SEZ6L: variants seen among roughly 807,000 people sequenced by gnomAD.
SEZ6L encodes seizure related 6 homolog like.
A neutral mutation model predicts 106.2 loss-of-function variants in SEZ6L; 37 were observed. The ratio of observed to expected loss-of-function variants is 0.35; its 90% confidence interval spans 0.27 to 0.46. The LOEUF is 0.46. Ranked by LOEUF, SEZ6L falls within the 20% of genes least tolerant of loss-of-function variation. SEZ6L has a pLI of 1.00. For synonymous variants in SEZ6L, 541 were observed against 570.4 expected (o/e 0.95, Z 0.73); for missense variants, 1,172 against 1,332.8 (o/e 0.88, Z 1.88).
chr22:26,209,879 G>A (rs1032414244), intron 1 of SEZ6L, among the ~76,000 whole-genome samples: 8 of 142,394 alleles, frequency 5.6e-5, no homozygotes, highest in Non-Finnish European at 1.2e-4. Flanking sequence ...GAGGAAGGAA[G>A]GAAAGAAGGG....
intron 5 of SEZ6L, among the ~76,000 whole-genome samples, chr22:26,304,430 A>AAGAAAAAG (rs769423765): frequency 7.4e-4 from 110 of 148,642 alleles, no homozygotes; most frequent in African/African-American, 2.6e-3. Context: ...GAAAGAAAGA[A>AAGAAAAAG]AAAGAAAGGA....
intron 1 of SEZ6L, among the ~76,000 whole-genome samples, chr22:26,278,851 G>GAAGAAAAGAA (rs777804126): frequency 0.028 from 4,021 of 141,932 alleles, 63 homozygotes; most frequent in Middle Eastern, 0.058. Flanking sequence ...AGGAAAGAAA[G>GAAGAAAAGAA]AAGAAAAGAA....
intron 10 of SEZ6L, among the ~76,000 whole-genome samples, chr22:26,345,967 T>C (rs138964691): frequency 2.6e-5 from 4 of 152,172 alleles, no homozygotes; most frequent in Non-Finnish European, 4.4e-5. Context: ...ACTAATGATA[T>C]GCAATTGGAT....
At chr22:26,362,418 G>C (rs527725021) in intron 12 of SEZ6L, among the ~76,000 whole-genome samples, 2 of 152,230 alleles carry the variant, frequency 1.3e-5, no homozygotes, top group South Asian at 4.2e-4. Flanking sequence ...TGCCTCTCTC[G>C]CTCAACTATT....
intron 1 of SEZ6L, among the ~76,000 whole-genome samples, chr22:26,178,064 A>C (rs868216879): frequency 6.6e-6 from 1 of 152,168 alleles, no homozygotes; most frequent in Non-Finnish European, 1.5e-5. Flanking sequence ...AGACCCAAGG[A>C]GTGTGGCAAT....
chr22:26,230,973 C>G (rs753087634), intron 1 of SEZ6L, among the ~76,000 whole-genome samples: 2 of 152,186 alleles, frequency 1.3e-5, no homozygotes, highest in Non-Finnish European at 2.9e-5. Flanking sequence ...TAATGAAAGA[C>G]GAGCAAGCCC....
intron 9 of SEZ6L, among the ~76,000 whole-genome samples, chr22:26,326,572 G>A (rs1219865292): frequency 1.3e-5 from 2 of 152,162 alleles, no homozygotes; most frequent in Non-Finnish European, 2.9e-5. Flanking sequence ...TAATAGATGA[G>A]GACAGTGATC....
chr22:26,309,825 C>A (rs931486902), intron 6 of SEZ6L, among the ~76,000 whole-genome samples: 4 of 152,130 alleles, frequency 2.6e-5, no homozygotes, highest in African/African-American at 9.7e-5. Flanking sequence ...GTGATCCACC[C>A]ACCTTGGCCT....
chr22:26,314,669 C>T lies in SEZ6L; in HGVS notation c.2015+767C>T, dbSNP rs575724319. ...GTTTCCTGTATTCACAGGGGGTAACCATTAGATTCTCCATCCAGAATGTTC... is the reference window on the plus strand; with the variant it reads ...GTTTCCTGTATTCACAGGGGGTAACTATTAGATTCTCCATCCAGAATGTTC... On this transcript the variant is annotated intron_variant, in intron 9 of 16. Coordinates refer to ENST00000248933, the MANE Select transcript of SEZ6L (RefSeq NM_021115.5). Among the ~76,000 whole-genome samples the T allele has an allele frequency of 7.7e-4, 117 of 152,344 alleles. 2 individuals carry two copies. The highest frequency in any genetic ancestry group is 1.1e-3 in the Non-Finnish European group (76 of 68,030).
At chr22:26,258,023 T>C (rs1229151916) in intron 1 of SEZ6L, among the ~76,000 whole-genome samples, 1 of 152,180 alleles carries the variant, frequency 6.6e-6, no homozygotes, top group Non-Finnish European at 1.5e-5. Context: ...CCTTTCCCTC[T>C]ATCAAGATGG....
intron 13 of SEZ6L, among the ~76,000 whole-genome samples, chr22:26,369,587 A>G (rs738399): frequency 0.67 from 100,800 of 150,766 alleles, 34,093 homozygotes; most frequent in East Asian, 0.95. Flanking sequence ...TGATTCGCCC[A>G]CCTCTGCCTC....
intron 1 of SEZ6L, among the ~76,000 whole-genome samples, chr22:26,267,011 T>G (rs2080213723): frequency 6.6e-6 from 1 of 152,146 alleles, no homozygotes; most frequent in South Asian, 2.1e-4. Context: ...AGATGGCCAA[T>G]TAGAGGGAAG....
intron 13 of SEZ6L, among the ~76,000 whole-genome samples, chr22:26,369,357 T>TTTTTTTTTTTTTTA (rs2083934578): frequency 7.7e-6 from 1 of 130,462 alleles, no homozygotes; most frequent in African/African-American, 2.9e-5. Context: ...TTTTTTTTTT[T>TTTTTTTTTTTTTTA]GAGACAGATT....
intron 1 of SEZ6L, among the ~76,000 whole-genome samples, chr22:26,195,498 G>T (rs1940515430): frequency 6.6e-6 from 1 of 152,196 alleles, no homozygotes; most frequent in Non-Finnish European, 1.5e-5. Flanking sequence ...AATATGTAAA[G>T]TGTTTGGCAC....
intron 1 of SEZ6L, among the ~76,000 whole-genome samples, chr22:26,189,139 T>C (rs987916027): frequency 6.6e-6 from 1 of 152,034 alleles, no homozygotes; most frequent in African/African-American, 2.4e-5. Context: ...CAATTAAAAT[T>C]GATATTGTCA....
intron 12 of SEZ6L, 194 bp downstream of exon 12, chr22:26,351,437 C>T (rs1308586827): frequency 9.8e-6 from 5 of 509,222 alleles, no homozygotes; most frequent in East Asian, 3.2e-5. Flanking sequence ...AAATTTATCA[C>T]GCGTTGCTCT....
chr22:26,282,806 C>G (rs2080814417), intron 1 of SEZ6L, among the ~76,000 whole-genome samples: 1 of 152,214 alleles, frequency 6.6e-6, no homozygotes, highest in South Asian at 2.1e-4. Context: ...AGCAGCAGCA[C>G]TCTCAAATAG....
intron 16 of SEZ6L, among the ~76,000 whole-genome samples, chr22:26,379,987 A>G (rs1156231123): frequency 6.6e-6 from 1 of 152,040 alleles, no homozygotes; most frequent in Admixed American, 6.6e-5. Context: ...TGTGTCCTTC[A>G]TTTTCCTGAA....
At chr22:26,249,073 A>T (rs1003089) in intron 1 of SEZ6L, among the ~76,000 whole-genome samples, 18,990 of 152,178 alleles carry the variant, frequency 0.12, 1,588 homozygotes, top group East Asian at 0.35. Context: ...TTATGTATTT[A>T]TGGGCTACAG....
Sources: allele counts gnomAD v4.1 joint callset (sites outside exome capture counted in the v4.1 genomes callset), GRCh38; gene constraint gnomAD v4.1.1; transcripts MANE v1.5; gene names NCBI Gene and HGNC (gene_info 2026-07-23, HGNC 2026-07-21).